SCD5: variants seen among roughly 807,000 people sequenced by gnomAD.
SCD5 encodes the protein acyl-CoA-desaturase 4.
In SCD5, 20 loss-of-function variants were observed where a neutral mutation model predicts 30.4. The observed-to-expected ratio is 0.66, with a 90% confidence interval of 0.46 to 0.96. The LOEUF (loss-of-function observed/expected upper bound fraction) is 0.96. Ranked by LOEUF, SCD5 falls within the 40% of genes least tolerant of loss-of-function variation. The pLI, the probability that SCD5 is intolerant of heterozygous loss-of-function variation, is 0.00. For missense variants in SCD5, 381 were observed against 443.3 expected (o/e 0.86, Z 1.26); for synonymous variants, 173 against 176.4 (o/e 0.98, Z 0.16).
chr4:82,725,585 C>A (rs1187135676), intron 1 of SCD5, among the ~76,000 whole-genome samples: 2 of 152,024 alleles, frequency 1.3e-5, no homozygotes, highest in Non-Finnish European at 2.9e-5. Flanking sequence ...CTGGACCGGG[C>A]GTGGTGGCTC....
In SCD5 at chr4:82,677,321, G is replaced by A. The variant is rs544340116; in HGVS notation, c.569+3386C>T. Among the ~76,000 whole-genome samples, 76 of 152,320 alleles carry A rather than the reference G, an allele frequency of 5.0e-4. 1 individual carries two copies. The highest frequency in any genetic ancestry group is 1.8e-3 in the African/African-American group (73 of 41,574). ...CAGGTGGAGATTCAGCCCATGAGAA[G>A]TGTGCCACTGAAATGACCCAAGTCT... On this transcript the variant is annotated intron_variant, in intron 3 of 4. Coordinates refer to ENST00000319540, the MANE Select transcript of SCD5 (RefSeq NM_001037582.3).
At chr4:82,653,864 T>C (rs564657437) in intron 3 of SCD5, among the ~76,000 whole-genome samples, 4 of 152,064 alleles carry the variant, frequency 2.6e-5, no homozygotes, top group Non-Finnish European at 4.4e-5. Flanking sequence ...AGTAGGTTTA[T>C]AAAAGAAAGT....
chr4:82,643,930 C>T (rs1727591822), intron 3 of SCD5, among the ~76,000 whole-genome samples: 1 of 152,202 alleles, frequency 6.6e-6, no homozygotes, highest in African/African-American at 2.4e-5. Flanking sequence ...CTTGGATAAG[C>T]TGTTGAGCCA....
At position 82,636,730 on chromosome 4, in the gene SCD5, G is replaced by T. The variant is rs1248238754; in HGVS notation, c.663C>A (p.Phe221Leu). ...TGGTATAGCGGAGAATAGAGGCCAAGAAGTAGGAATTCCACAGACTCTCTC... is the reference window on the plus strand; with the variant it reads ...TGGTATAGCGGAGAATAGAGGCCAATAAGTAGGAATTCCACAGACTCTCTC... ...IWGESLWNSYFLASILRYTIS... is the reference protein window; with the variant it reads ...IWGESLWNSYLLASILRYTIS... The change falls in exon 4 of 5, where the codon TTC becomes TTA. Residue 221 changes from phenylalanine (F) to leucine (L), a missense_variant. By Grantham distance (22) the Phe-to-Leu change is conservative. Transcript: ENST00000319540. 1 of 1,614,128 alleles carries T rather than the reference G, an allele frequency of 6.2e-7. No individual in the cohort carries two copies. Among genetic ancestry groups the T allele is most frequent in the Non-Finnish European group, 8.5e-7 (1 of 1,180,050 alleles).
chr4:82,783,592 G>C (rs1322424945), intron 1 of SCD5, among the ~76,000 whole-genome samples: 1 of 152,054 alleles, frequency 6.6e-6, no homozygotes, highest in African/African-American at 2.4e-5. Context: ...ATCACCTGAG[G>C]TCGGAGGTCG....
chr4:82,773,918 C>G (rs564053094), intron 1 of SCD5, among the ~76,000 whole-genome samples: 325 of 152,022 alleles, frequency 2.1e-3, no homozygotes, highest in Non-Finnish European at 4.0e-3. Flanking sequence ...GGTGAAACCT[C>G]GTCTTACTAA....
chr4:82,636,949 C>T (rs1727446335), intron 3 of SCD5, 126 bp from the exon 4 acceptor site: 4 of 739,284 alleles, frequency 5.4e-6, no homozygotes, highest in Admixed American at 5.8e-5. Flanking sequence ...TCCTTCAACG[C>T]TTTCTATATG....
intron 2 of SCD5, among the ~76,000 whole-genome samples, chr4:82,685,241 C>T (rs1007897384): frequency 1.2e-4 from 19 of 152,038 alleles, no homozygotes; most frequent in Non-Finnish European, 7.4e-5. Context: ...AGAACAAATC[C>T]GGAGTGTAGA....
chr4:82,798,649 C>A lies in SCD5; in HGVS notation c.-112G>T. Reference sequence around the variant, plus strand: ...GCCTTTTAGGGGGGAATTCTCCGCACGTCCAGTCCCCTCCTTCCAGCCCTT... The same window carrying A: ...GCCTTTTAGGGGGGAATTCTCCGCAAGTCCAGTCCCCTCCTTCCAGCCCTT... On this transcript the variant is annotated 5_prime_UTR_variant, in exon 1 of 5. Transcript: ENST00000319540. The A allele has an allele frequency of 1.1e-6, 1 of 883,670 alleles. No individual in the cohort carries two copies. Among genetic ancestry groups the A allele is most frequent in the East Asian group, 2.7e-5 (1 of 37,250 alleles). 54.7% of individuals were successfully genotyped at this position (883,670 alleles called of 1,614,324 possible).
chr4:82,659,934 G>A (rs1263675168), intron 3 of SCD5: 6 of 150,948 alleles, frequency 4.0e-5, no homozygotes, highest in Non-Finnish European at 7.4e-5. Context: ...CCCACCTCAC[G>A]TGCAAAGACA....
At chr4:82,664,999 C>CTCTATATATA (rs1219554314) in intron 3 of SCD5, among the ~76,000 whole-genome samples, 95 of 70,488 alleles carry the variant, frequency 1.3e-3, no homozygotes, top group African/African-American at 2.2e-3. Flanking sequence ...CTCTCTCTCT[C>CTCTATATATA]TATATATATA....
intron 3 of SCD5, among the ~76,000 whole-genome samples, chr4:82,643,356 G>A (rs1308792285): frequency 3.3e-5 from 5 of 152,216 alleles, no homozygotes; most frequent in African/African-American, 1.2e-4. Flanking sequence ...GACAAACAAT[G>A]CTGTACATAT....
chr4:82,655,217 G>A (rs1727844448), intron 3 of SCD5, among the ~76,000 whole-genome samples: 1 of 152,178 alleles, frequency 6.6e-6, no homozygotes, highest in Admixed American at 6.5e-5. Flanking sequence ...TAAAGGCAAG[G>A]ACTCTCTTTT....
Position 82,766,662 on chromosome 4 carries a change from T to C in SCD5, c.232+31644A>G, listed in dbSNP as rs564849732. On this transcript the variant is annotated intron_variant, in intron 1 of 4. Transcript: ENST00000319540. ...GTAATTTTTTATTGGATATCAGACA[T>C]TGTGAATTTTGCATGGTTGAGTGCT... Among the ~76,000 whole-genome samples the C allele has an allele frequency of 9.2e-5, 14 of 152,334 alleles. No individual in the cohort carries two copies. In the East Asian group the frequency reaches 1.9e-3, roughly 21 times the overall value.
At chr4:82,790,874 C>T (rs937517168) in intron 1 of SCD5, among the ~76,000 whole-genome samples, 3 of 152,124 alleles carry the variant, frequency 2.0e-5, no homozygotes, top group Non-Finnish European at 4.4e-5. Context: ...AAGGCCCAGG[C>T]TTCTGACAAT....
At chr4:82,732,511 C>T (rs1030806443) in intron 1 of SCD5, among the ~76,000 whole-genome samples, 5 of 152,200 alleles carry the variant, frequency 3.3e-5, no homozygotes, top group African/African-American at 1.2e-4. Flanking sequence ...CTTGCATCTC[C>T]CTCTCGTGGA....
chr4:82,664,995 C>CTATATA (rs779503303), intron 3 of SCD5, among the ~76,000 whole-genome samples: 92 of 83,248 alleles, frequency 1.1e-3, no homozygotes, highest in Middle Eastern at 5.8e-3. Flanking sequence ...CTCTCTCTCT[C>CTATATA]TCTCTATATA....
At chr4:82,693,631 A>G (rs13141958) in intron 2 of SCD5, among the ~76,000 whole-genome samples, 143,512 of 152,266 alleles carry the variant, frequency 0.94, 67,749 homozygotes, top group East Asian at 1. Context: ...TATGTTCTAA[A>G]GGGCTCTGTG....
chr4:82,742,370 T>C (rs573042832), intron 1 of SCD5, among the ~76,000 whole-genome samples: 1 of 152,258 alleles, frequency 6.6e-6, no homozygotes, highest in African/African-American at 2.4e-5. Context: ...TCTGACCGGG[T>C]CCTGTCTCAC....
Sources: gnomAD v4.1 joint callset for allele counts (sites outside exome capture counted in the v4.1 genomes callset) on GRCh38, gnomAD v4.1.1 for gene constraint, MANE v1.5 for transcripts, NCBI Gene and HGNC (gene_info 2026-07-23, HGNC 2026-07-21) for gene names.